PCF11: variants seen among roughly 807,000 people sequenced by gnomAD.
PCF11 encodes PCF11 cleavage and polyadenylation factor subunit.
Under a neutral mutation model 166.1 loss-of-function variants are expected in PCF11, and 19 were observed. The observed-to-expected ratio is 0.11, with a 90% CI of 0.08 to 0.17. PCF11 has a LOEUF of 0.17. Among genes scored for constraint, PCF11 ranks in the 10% least tolerant of loss-of-function variants. PCF11 has a pLI of 1.00. For missense variants in PCF11, 1,565 were observed against 1,855.5 expected, an observed-to-expected ratio of 0.84 and a Z score of 2.88; for synonymous variants, 663 against 644.1, an observed-to-expected ratio of 1.03 and a Z score of -0.44.
chr11:83,166,147 A>G (rs2135423122), exon 5 of PCF11: 4 of 1,610,232 alleles, frequency 2.5e-6, no homozygotes, highest in Non-Finnish European at 3.4e-6. Context: ...GGCAAAGATG[A>G]TGATGTGAAA....
At chr11:83,173,369 C>T (rs1266874325) in intron 9 of PCF11, among the ~76,000 whole-genome samples, 1 of 151,946 alleles carries the variant, frequency 6.6e-6, no homozygotes, top group Admixed American at 6.6e-5. Flanking sequence ...GCAGGAGAAT[C>T]GCTTGAACCC....
chr11:83,182,098 A>C, intron 13 of PCF11, 89 bp downstream of exon 13: 1 of 1,027,774 alleles, frequency 9.7e-7, no homozygotes, highest in Non-Finnish European at 1.4e-6. Flanking sequence ...CTATATTTAT[A>C]TCCCTGTTTT....
exon 11 of PCF11, chr11:83,177,791 A>T (rs1416746012): frequency 6.5e-7 from 1 of 1,527,362 alleles, no homozygotes; most frequent in African/African-American, 1.4e-5. Flanking sequence ...TCCAGATCTT[A>T]CTAATTTTAC....
exon 16 of PCF11, chr11:83,186,227 T>C (rs1861286589): frequency 6.6e-6 from 1 of 152,222 alleles, no homozygotes; most frequent in Admixed American, 6.5e-5. Flanking sequence ...TAAGGAAGAT[T>C]CTACAAAAGT....
intron 2 of PCF11, among the ~76,000 whole-genome samples, chr11:83,162,395 T>G (rs192934046): frequency 1.3e-5 from 2 of 152,382 alleles, no homozygotes; most frequent in Non-Finnish European, 2.9e-5. Context: ...GAGAAATGTT[T>G]TTAAGTTCTT....
intron 11 of PCF11, among the ~76,000 whole-genome samples, chr11:83,178,522 G>A (rs1257877289): frequency 6.6e-6 from 1 of 151,782 alleles, no homozygotes; most frequent in Non-Finnish European, 1.5e-5. Context: ...TCGGCTGGGC[G>A]CGGTGGCTCA....
intron 8 of PCF11, among the ~76,000 whole-genome samples, chr11:83,170,627 A>G (rs1267590241): frequency 6.6e-6 from 1 of 152,220 alleles, no homozygotes; most frequent in Non-Finnish European, 1.5e-5. Flanking sequence ...TATACATTTT[A>G]AAATGCATAC....
intron 1 of PCF11, chr11:83,158,272 T>A (rs997367823): frequency 6.6e-6 from 1 of 152,162 alleles, no homozygotes; most frequent in Admixed American, 6.6e-5. Context: ...GATAAAACTT[T>A]TATTCTCCTA....
chr11:83,159,178 G>A (rs866304815), intron 1 of PCF11, among the ~76,000 whole-genome samples: 3 of 152,052 alleles, frequency 2.0e-5, no homozygotes, highest in South Asian at 2.1e-4. Flanking sequence ...ACTTTTTCCT[G>A]TGAAAGTGTA....
exon 8 of PCF11, chr11:83,168,721 G>C (rs1248408688): frequency 1.2e-6 from 2 of 1,613,816 alleles, no homozygotes; most frequent in African/African-American, 1.3e-5. Flanking sequence ...TGGGTCACCA[G>C]GACAAATGGG....
chr11:83,163,197 A>G (rs1260052700), intron 2 of PCF11, among the ~76,000 whole-genome samples: 4 of 152,344 alleles, frequency 2.6e-5, no homozygotes, highest in East Asian at 3.9e-4. Context: ...ACACCACAAT[A>G]TCTTGTTCCT....
At chr11:83,160,343 T>TG (rs1860193362) in intron 1 of PCF11, among the ~76,000 whole-genome samples, 1 of 131,326 alleles carries the variant, frequency 7.6e-6, no homozygotes, top group Non-Finnish European at 1.6e-5. Context: ...TTTTTTTTTT[T>TG]GTCTTTTTTT....
chr11:83,167,933 TCA>T lies in PCF11; in HGVS notation c.2092+433_2092+434del, dbSNP rs1186521609. On this transcript the variant is annotated intron_variant, in intron 7 of 15. Transcript: ENST00000298281. This position sits in a 1 kb window ranked among gnomAD's most constrained non-coding sequence, Gnocchi z 4.2. ...GTTAAATCAGATTATGCCTATTGAA[TCA>T]CACAGCAGTGAAGGGAAAATGAACA... 4 of 1,269,542 alleles carry T rather than the reference TCA, an allele frequency of 3.2e-6. No individual in the cohort carries two copies. The highest frequency in any genetic ancestry group is 4.1e-6 in the Non-Finnish European group (4 of 979,712). The allele number at this position is 1,269,542 out of a possible 1,614,324, so 78.6% of individuals were successfully genotyped here. A position where few individuals can be genotyped will look rare whatever the true frequency, so the allele number is the denominator to read the frequency against.
chr11:83,170,038 A>G (rs545305008), intron 8 of PCF11, 43 bp downstream of exon 8: 1 of 1,479,018 alleles, frequency 6.8e-7, no homozygotes, highest in East Asian at 2.3e-5. Flanking sequence ...CAGATAAGTT[A>G]ACCATTTTTT....
intron 9 of PCF11, among the ~76,000 whole-genome samples, chr11:83,173,545 A>C (rs1462283240): frequency 6.6e-6 from 1 of 150,746 alleles, no homozygotes; most frequent in African/African-American, 2.4e-5. Flanking sequence ...TAGAGAATCA[A>C]ATGATATAGT....
intron 9 of PCF11, among the ~76,000 whole-genome samples, chr11:83,174,916 T>G (rs1309033031): frequency 2.0e-5 from 3 of 152,242 alleles, no homozygotes; most frequent in Non-Finnish European, 4.4e-5. Context: ...GAAGTTGATC[T>G]CTTCATTCAT....
intron 11 of PCF11, among the ~76,000 whole-genome samples, chr11:83,178,947 C>A (rs1033715919): frequency 2.0e-5 from 3 of 152,002 alleles, no homozygotes; most frequent in Non-Finnish European, 2.9e-5. Context: ...TGGTGCATAT[C>A]TTTTCATAAT....
chr11:83,162,139 C>G (rs990085972), intron 2 of PCF11, among the ~76,000 whole-genome samples: 1 of 152,104 alleles, frequency 6.6e-6, no homozygotes, highest in African/African-American at 2.4e-5. Flanking sequence ...TTGAGGAGGA[C>G]AAGGGATTTG....
chr11:83,178,963 A>G (rs1342880954), intron 11 of PCF11, among the ~76,000 whole-genome samples: 1 of 152,134 alleles, frequency 6.6e-6, no homozygotes, highest in Non-Finnish European at 1.5e-5. Context: ...ATAATTTTCT[A>G]TTGTATTATA....
Sources: gnomAD v4.1 joint callset for allele counts (sites outside exome capture counted in the v4.1 genomes callset) on GRCh38, gnomAD v4.1.1 for gene constraint, Gnocchi (gnomAD v3.1) non-coding constraint, MANE v1.5 for transcripts, NCBI Gene and HGNC (gene_info 2026-07-23, HGNC 2026-07-21) for gene names.